Variants in EIF3J observed in about 807,000 individuals in gnomAD.
The protein encoded by EIF3J is eukaryotic translation initiation factor 3 subunit J.
EIF3J carries 15 observed loss-of-function variants against 39.0 expected under a neutral mutation model. The observed-to-expected ratio is 0.38, with a 90% CI of 0.26 to 0.59. The LOEUF is 0.59. Ranked by LOEUF, EIF3J falls within the 20% of genes least tolerant of loss-of-function variation. EIF3J has a pLI of 0.60. For synonymous variants in EIF3J, 98 were observed against 112.9 expected (o/e 0.87, Z 0.84); for missense variants, 226 against 308.6 (o/e 0.73, Z 2.00).
At chr15:44,552,956 T>TG (rs1457908280) in intron 4 of EIF3J, among the ~76,000 whole-genome samples, 1 of 148,510 alleles carries the variant, frequency 6.7e-6, no homozygotes, top group African/African-American at 2.5e-5. Context: ...GAGGCTGAGG[T>TG]GGGAGTATTG....
At chr15:44,558,484 G>A (rs1482833258) in intron 6 of EIF3J, among the ~76,000 whole-genome samples, 3 of 151,586 alleles carry the variant, frequency 2.0e-5, no homozygotes, top group African/African-American at 7.3e-5. Context: ...AGCTGAGATC[G>A]TGCCACCGCA....
At chr15:44,554,891 A>C (rs967612442) in intron 5 of EIF3J, among the ~76,000 whole-genome samples, 1 of 152,244 alleles carries the variant, frequency 6.6e-6, no homozygotes, top group Non-Finnish European at 1.5e-5. Flanking sequence ...ATAGCAATGC[A>C]AGAAGGGCAA....
chr15:44,562,161 T>TTCTC lies in EIF3J; in HGVS notation c.*1014_*1017dup, dbSNP rs934238264. The TTCTC allele has an allele frequency of 1.3e-5, 2 of 152,654 alleles. No individual in the cohort carries two copies. The highest frequency in any genetic ancestry group is 4.8e-5 in the African/African-American group (2 of 41,456). 9.5% of individuals were successfully genotyped at this position (152,654 alleles called of 1,614,324 possible). A position where few individuals can be genotyped will look rare whatever the true frequency, so the allele number is the denominator to read the frequency against. ...GCTCTTGGGAGTACAGTTCTCTACG[T>TTCTC]TCTCTACTAAATCTTAATAAATGCT... On this transcript the variant is annotated 3_prime_UTR_variant, in exon 8 of 8. Coordinates refer to ENST00000261868, the MANE Select transcript of EIF3J (RefSeq NM_003758.4).
At chr15:44,554,375 T>TA (rs59415615) in intron 4 of EIF3J, among the ~76,000 whole-genome samples, 178 bp from the exon 5 acceptor site, 1,914 of 61,658 alleles carry the variant, frequency 0.031, 62 homozygotes, top group African/African-American at 0.08. Flanking sequence ...AGGCTCTGTC[T>TA]AAAAAAAAAA....
intron 2 of EIF3J, among the ~76,000 whole-genome samples, chr15:44,537,997 G>T (rs981180586): frequency 6.6e-6 from 1 of 152,110 alleles, no homozygotes; most frequent in African/African-American, 2.4e-5. Context: ...CCACCCTGTG[G>T]TAAAAAGAAT....
chr15:44,547,859 T>A (rs2082067498), intron 2 of EIF3J, among the ~76,000 whole-genome samples: 1 of 152,210 alleles, frequency 6.6e-6, no homozygotes, highest in African/African-American at 2.4e-5. Flanking sequence ...GAGTATAGGA[T>A]GCTTTTTACA....
intron 2 of EIF3J, among the ~76,000 whole-genome samples, chr15:44,549,221 C>T (rs1200486366): frequency 6.6e-6 from 1 of 151,326 alleles, no homozygotes; most frequent in Non-Finnish European, 1.5e-5. Context: ...TGGACAAACC[C>T]CATCTCTACT....
intron 2 of EIF3J, among the ~76,000 whole-genome samples, chr15:44,543,312 T>G (rs2082027113): frequency 6.6e-6 from 1 of 152,152 alleles, no homozygotes; most frequent in Non-Finnish European, 1.5e-5. Flanking sequence ...CAGGGCAGAC[T>G]TGTAAGCACT....
chr15:44,555,567 C>T (rs1314705046), intron 5 of EIF3J, among the ~76,000 whole-genome samples: 1 of 152,222 alleles, frequency 6.6e-6, no homozygotes, highest in Non-Finnish European at 1.5e-5. Context: ...CAGGTCTTAA[C>T]TGCACTCATC....
In EIF3J at chr15:44,537,245, G is replaced by A. The variant is rs2081965738; in HGVS notation, c.43+8G>A. On this transcript the variant is annotated splice_region_variant and intron_variant, in intron 1 of 7. Coordinates refer to ENST00000261868, the MANE Select transcript of EIF3J (RefSeq NM_003758.4). ...GGGACTCGGACTCCTGGGGTGAGGA[G>A]AAGTTGCTGGGGCAGGGCCCGGGCC... 6.3e-7 allele frequency: 1 copy of A among 1,587,954 alleles called. No homozygotes were observed. Among genetic ancestry groups the A allele is most frequent in the South Asian group, 1.1e-5 (1 of 88,458 alleles).
chr15:44,553,224 G>A (rs1371261074), intron 4 of EIF3J, among the ~76,000 whole-genome samples: 3 of 151,854 alleles, frequency 2.0e-5, no homozygotes, highest in African/African-American at 7.3e-5. Context: ...CAGGCGTGGT[G>A]GCTCACGCCT....
At chr15:44,542,783 GC>G in intron 2 of EIF3J, among the ~76,000 whole-genome samples, 1 of 152,298 alleles carries the variant, frequency 6.6e-6, no homozygotes, top group African/African-American at 2.4e-5. Flanking sequence ...TTATAAACAG[GC>G]CCTATTCTAA....
At chr15:44,537,760 G>A (rs1400724855) in intron 2 of EIF3J, among the ~76,000 whole-genome samples, 3 of 152,226 alleles carry the variant, frequency 2.0e-5, no homozygotes, top group African/African-American at 7.2e-5. Context: ...CGGGAAGTTG[G>A]GAATTGAGCC....
intron 2 of EIF3J, among the ~76,000 whole-genome samples, chr15:44,540,263 ATATATT>A (rs1304463819): frequency 0.023 from 1,406 of 61,324 alleles, 13 homozygotes; most frequent in Admixed American, 0.094. Context: ...ATATATATAT[ATATATT>A]TTTTTTTTTT....
intron 4 of EIF3J, among the ~76,000 whole-genome samples, chr15:44,553,976 T>C (rs2082122969): frequency 1.3e-5 from 2 of 152,164 alleles, no homozygotes; most frequent in South Asian, 2.1e-4. Context: ...GTAACCCCAG[T>C]CTTCCTGGGT....
chr15:44,540,505 T>C (rs1490709111), intron 2 of EIF3J, among the ~76,000 whole-genome samples: 8 of 117,918 alleles, frequency 6.8e-5, no homozygotes, highest in South Asian at 2.9e-4. Flanking sequence ...CTCCTGAGGT[T>C]AAAGCGATCT....
intron 2 of EIF3J, among the ~76,000 whole-genome samples, chr15:44,538,410 A>G (rs1352168479): frequency 6.6e-6 from 1 of 151,948 alleles, no homozygotes; most frequent in African/African-American, 2.4e-5. Flanking sequence ...GAAATGGAAA[A>G]TGATTTTTTT....
chr15:44,540,265 ATATTT>A (rs775377250), intron 2 of EIF3J, among the ~76,000 whole-genome samples: 10,218 of 64,334 alleles, frequency 0.16, 314 homozygotes, highest in East Asian at 0.21. Flanking sequence ...ATATATATAT[ATATTT>A]TTTTTTTTTT....
chr15:44,545,402 C>T (rs2140893003), intron 2 of EIF3J, among the ~76,000 whole-genome samples: 1 of 152,186 alleles, frequency 6.6e-6, no homozygotes, highest in South Asian at 2.1e-4. Context: ...GGATGTATCT[C>T]AGCATGTTAC....
Sources: allele counts gnomAD v4.1 joint callset (sites outside exome capture counted in the v4.1 genomes callset), GRCh38; gene constraint gnomAD v4.1.1; transcripts MANE v1.5; gene names NCBI Gene and HGNC (gene_info 2026-07-23, HGNC 2026-07-21).